Variants in ALDH1L2 observed in about 807,000 individuals in gnomAD.
The protein encoded by ALDH1L2 is aldehyde dehydrogenase 1 family member L2, also known as mitochondrial 10-formyltetrahydrofolate dehydrogenase.
A neutral mutation model predicts 111.0 loss-of-function variants in ALDH1L2; 91 were observed. That is an observed-to-expected ratio of 0.82 (90% CI 0.69 to 0.98). The LOEUF is 0.98. Among genes scored for constraint, ALDH1L2 ranks in the 50% least tolerant of loss-of-function variants. The pLI, the probability that ALDH1L2 is intolerant of heterozygous loss-of-function variation, is 0.00. For missense variants in ALDH1L2, 995 were observed against 1,126.8 expected (o/e 0.88, Z 1.67); for synonymous variants, 374 against 392.6 (o/e 0.95, Z 0.56).
chr12:105,027,586 T>C (rs1193237368), intron 21 of ALDH1L2, among the ~76,000 whole-genome samples: 1 of 152,222 alleles, frequency 6.6e-6, no homozygotes, highest in African/African-American at 2.4e-5. Flanking sequence ...CATTTATTAT[T>C]GCGAACCATG....
In ALDH1L2 at chr12:105,084,458, T is replaced by G; in HGVS notation, c.-22A>C. 1.4e-6 allele frequency: 2 copies of G among 1,407,936 alleles called. No homozygotes were observed. Among genetic ancestry groups the G allele is most frequent in the Admixed American group, 6.5e-5 (2 of 30,810 alleles). The allele number at this position is 1,407,936 out of a possible 1,614,324, so 87.2% of individuals were successfully genotyped here. On this transcript the variant is annotated 5_prime_UTR_variant, in exon 1 of 23. Coordinates refer to ENST00000258494, the MANE Select transcript of ALDH1L2 (RefSeq NM_001034173.4). ...GCATGCTGGAGAGGAGCGCTAGCAC[T>G]GGCGACGCGGCAGCGCGGGAGGCAG... is the stretch of plus-strand genomic sequence containing the variant.
intron 17 of ALDH1L2, 116 bp from the exon 18 acceptor site, chr12:105,038,318 A>G (rs1047411948): frequency 3.8e-6 from 2 of 519,564 alleles, no homozygotes; most frequent in Non-Finnish European, 6.6e-6. Context: ...ACACACACAC[A>G]CACACTTTTT....
intron 11 of ALDH1L2, 33 bp from the exon 12 acceptor site, chr12:105,052,250 A>G (rs1200084081): frequency 6.5e-7 from 1 of 1,539,388 alleles, no homozygotes; most frequent in Non-Finnish European, 8.7e-7. Context: ...AGGCCCCATG[A>G]GAGATATGAA....
intron 2 of ALDH1L2, 179 bp downstream of exon 2, chr12:105,073,682 A>G: frequency 2.6e-6 from 2 of 776,590 alleles, no homozygotes; most frequent in Non-Finnish European, 4.0e-6. Flanking sequence ...AAGTGGGAGT[A>G]ATATGGATTA....
At chr12:105,053,652 C>T (rs1230952806) in intron 10 of ALDH1L2, among the ~76,000 whole-genome samples, 3 of 152,048 alleles carry the variant, frequency 2.0e-5, no homozygotes, top group Non-Finnish European at 4.4e-5. Context: ...TGCCTTTTCC[C>T]ACACTGAGTG....
At chr12:105,060,167 G>A (rs1388612592) in intron 9 of ALDH1L2, among the ~76,000 whole-genome samples, 1 of 151,160 alleles carries the variant, frequency 6.6e-6, no homozygotes, top group Non-Finnish European at 1.5e-5. Flanking sequence ...GGTAATTTAT[G>A]GGGGGGGCGA....
At chr12:105,045,972 C>T (rs1165746856) in intron 15 of ALDH1L2, among the ~76,000 whole-genome samples, 2 of 151,766 alleles carry the variant, frequency 1.3e-5, no homozygotes, top group African/African-American at 4.8e-5. Flanking sequence ...ATAGTAAAAG[C>T]TCAGCCAGTG....
chr12:105,060,827 G>A (rs138423773), intron 9 of ALDH1L2, 154 bp downstream of exon 9: 42 of 140,070 alleles, frequency 3.0e-4, no homozygotes, highest in African/African-American at 5.7e-4. Flanking sequence ...TCCATCTCAG[G>A]AAAAAAAAAA....
chr12:105,066,502 G>T (rs1240170149), intron 5 of ALDH1L2, 66 bp downstream of exon 5: 1 of 1,441,138 alleles, frequency 6.9e-7, no homozygotes. Flanking sequence ...CATAGTATGT[G>T]GGGAACTACT....
Position 105,038,197 on chromosome 12 carries a change from G to A in ALDH1L2, c.2051C>T (p.Ala684Val). The A allele has an allele frequency of 6.2e-7, 1 of 1,601,884 alleles. No individual in the cohort carries two copies. The highest frequency in any genetic ancestry group is 8.5e-7 in the Non-Finnish European group (1 of 1,172,400). Residue 684 changes from alanine to valine, a missense_variant, in exon 18 of 23, where the codon GCT (alanine) becomes GTT (valine). Ala to Val is a moderately conservative substitution (Grantham distance 64, BLOSUM62 0). Coordinates refer to ENST00000258494, the MANE Select transcript of ALDH1L2 (RefSeq NM_001034173.4). ...PIGKQIMKSCAVSNLKKVSLE... is the reference protein window; with the variant it reads ...PIGKQIMKSCVVSNLKKVSLE... ...GGAAACTTTCTTCAAGTTGCTAACAGCACAGCTAGAGGAAAACAAATGAGA... is the reference window on the plus strand; with the variant it reads ...GGAAACTTTCTTCAAGTTGCTAACAACACAGCTAGAGGAAAACAAATGAGA...
intron 21 of ALDH1L2, among the ~76,000 whole-genome samples, chr12:105,027,738 A>G (rs7131977): frequency 0.12 from 17,902 of 152,178 alleles, 1,860 homozygotes; most frequent in East Asian, 0.33. Context: ...GGTAGAACCA[A>G]CTATATAGTG....
intron 15 of ALDH1L2, among the ~76,000 whole-genome samples, chr12:105,042,911 T>C (rs1875626720): frequency 6.6e-6 from 1 of 152,178 alleles, no homozygotes; most frequent in South Asian, 2.1e-4. Flanking sequence ...AAAACCAACG[T>C]CCATTCAGTC....
chr12:105,024,304 C>A lies in ALDH1L2; in HGVS notation c.*120G>T. ...AACATGGCCTGGCCCTCTTCATGGTCCATCTGTGTATTTTTTGGTTTGTGG... is the reference window on the plus strand; with the variant it reads ...AACATGGCCTGGCCCTCTTCATGGTACATCTGTGTATTTTTTGGTTTGTGG... On this transcript the variant is annotated 3_prime_UTR_variant, in exon 23 of 23. Coordinates refer to ENST00000258494, the MANE Select transcript of ALDH1L2 (RefSeq NM_001034173.4). 9.3e-7 allele frequency: 1 copy of A among 1,072,592 alleles called. No homozygotes were observed. The highest frequency in any genetic ancestry group is 1.4e-6 in the Non-Finnish European group (1 of 702,948). The allele number at this position is 1,072,592 out of a possible 1,614,324, so 66.4% of individuals were successfully genotyped here.
At position 105,020,288 on chromosome 12, in the gene ALDH1L2, T is replaced by C. The variant is rs1874099173; in HGVS notation, c.*4136A>G. ...CTTTTATAGATAATGTCCATTTTGC[T>C]TATTATTTTTAGTTTAACCAATACT... On this transcript the variant is annotated 3_prime_UTR_variant, in exon 23 of 23. Transcript: ENST00000258494. The C allele has an allele frequency of 6.6e-6, 1 of 152,232 alleles. No homozygotes were observed. Among genetic ancestry groups the C allele is most frequent in the African/African-American group, 2.4e-5 (1 of 41,450 alleles). The allele number at this position is 152,232 out of a possible 1,614,324, so 9.4% of individuals were successfully genotyped here.
chr12:105,073,061 T>C (rs1877830985), intron 2 of ALDH1L2, among the ~76,000 whole-genome samples: 1 of 152,234 alleles, frequency 6.6e-6, no homozygotes, highest in Admixed American at 6.5e-5. Flanking sequence ...CAGAGCTATC[T>C]TTGACTGTCC....
chr12:105,073,381 A>G lies in ALDH1L2; in HGVS notation c.193+480T>C, dbSNP rs58757638. Among the ~76,000 whole-genome samples the G allele has an allele frequency of 7.0e-3, 1,061 of 152,280 alleles. 19 individuals carry two copies. The highest frequency in any genetic ancestry group is 0.024 in the African/African-American group (1,005 of 41,570). ...AGTTTTTCTTTTTCTGAGTTATGCC[A>G]TGAGCCCAAATGGCCATGACAAATG... On this transcript the variant is annotated intron_variant, in intron 2 of 22. Coordinates refer to ENST00000258494, the MANE Select transcript of ALDH1L2 (RefSeq NM_001034173.4).
chr12:105,072,672 T>C (rs1463551723), intron 2 of ALDH1L2, among the ~76,000 whole-genome samples: 1 of 152,146 alleles, frequency 6.6e-6, no homozygotes, highest in Admixed American at 6.6e-5. Flanking sequence ...GAAGTCTTCA[T>C]TGTAAAAAAA....
At chr12:105,055,930 C>T (rs1199915022) in intron 10 of ALDH1L2, among the ~76,000 whole-genome samples, 1 of 151,934 alleles carries the variant, frequency 6.6e-6, no homozygotes, top group Non-Finnish European at 1.5e-5. Context: ...ACTATACCAA[C>T]ATATGCATAA....
chr12:105,053,045 G>C, intron 10 of ALDH1L2, 114 bp from the exon 11 acceptor site: 1 of 1,287,650 alleles, frequency 7.8e-7, no homozygotes, highest in Non-Finnish European at 1.1e-6. Context: ...TGACATTCTA[G>C]TTCCGACTGT....
Sources: gnomAD v4.1 joint callset for allele counts (sites outside exome capture counted in the v4.1 genomes callset) on GRCh38, gnomAD v4.1.1 for gene constraint, MANE v1.5 for transcripts, NCBI Gene and HGNC (gene_info 2026-07-23, HGNC 2026-07-21) for gene names.